The following SYN3 variants were observed in gnomAD, a reference collection of about 807,000 sequenced individuals.
The protein encoded by SYN3 is synapsin III.
A neutral mutation model predicts 65.8 loss-of-function variants in SYN3; 35 were observed. The observed-to-expected ratio is 0.53, with a 90% CI of 0.41 to 0.70. The LOEUF (loss-of-function observed/expected upper bound fraction) is 0.70, where lower values mean the gene tolerates loss of function less well. SYN3 is among the 30% of genes least tolerant of loss of function. SYN3 has a pLI of 0.00. For synonymous variants in SYN3, 270 were observed against 292.9 expected (o/e 0.92, Z 0.80); for missense variants, 680 against 749.0 (o/e 0.91, Z 1.08).
chr22:32,673,415 G>A (rs2060398698), intron 6 of SYN3, among the ~76,000 whole-genome samples: 1 of 152,228 alleles, frequency 6.6e-6, no homozygotes, highest in Non-Finnish European at 1.5e-5. Flanking sequence ...CAGAGCATGG[G>A]CCGTTCGGTC....
rs190800849 is a variant in SYN3, at chr22:32,508,818, C to G, written c.*4874G>C. ...CCTGCTGGGTGCCAAGCAATGTGCT[C>G]TGAGCTTCACTCTCTTGACCCATGC... On this transcript the variant is annotated 3_prime_UTR_variant, in exon 14 of 14. Transcript: ENST00000358763. 1.4e-3 allele frequency among the ~76,000 whole-genome samples: 219 copies of G among 152,288 alleles called. 1 individual carries two copies. The highest frequency in any genetic ancestry group is 2.4e-3 in the Admixed American group (36 of 15,300).
intron 6 of SYN3, among the ~76,000 whole-genome samples, chr22:32,734,346 G>C (rs565580669): frequency 2.6e-5 from 4 of 152,330 alleles, no homozygotes; most frequent in African/African-American, 9.6e-5. Flanking sequence ...TCCAGGTGCA[G>C]GGGGGAGAGA....
rs1048394613 is a variant in SYN3 at position 32,541,157 on chromosome 22, G to A, written c.917+414C>T. The stretch of plus-strand genomic sequence containing the variant: ...TTATTGGCTTCAGAGAAACCGTTCT[G>A]CACCTCCCAGCCTCATGGTCACCTT... On this transcript the variant is annotated intron_variant, in intron 8 of 13. Coordinates refer to ENST00000358763, the MANE Select transcript of SYN3 (RefSeq NM_003490.4). Among the ~76,000 whole-genome samples the A allele has an allele frequency of 2.6e-5, 4 of 152,294 alleles. 1 individual carries two copies. Among genetic ancestry groups the A allele is most frequent in the South Asian group, 2.1e-4 (1 of 4,820 alleles).
chr22:32,903,068 A>C (rs1010968298), intron 4 of SYN3, among the ~76,000 whole-genome samples: 1 of 152,124 alleles, frequency 6.6e-6, no homozygotes, highest in Non-Finnish European at 1.5e-5. Flanking sequence ...GAGAAATGAT[A>C]ATTGATGCTC....
At chr22:32,839,471 C>T (rs894128099) in intron 6 of SYN3, among the ~76,000 whole-genome samples, 5 of 152,100 alleles carry the variant, frequency 3.3e-5, no homozygotes, top group African/African-American at 1.2e-4. Context: ...CTTAGAAACC[C>T]AGGTCACAGA....
chr22:32,585,904 G>A (rs1410932830), intron 7 of SYN3, among the ~76,000 whole-genome samples: 3 of 61,476 alleles, frequency 4.9e-5, no homozygotes, highest in African/African-American at 1.1e-4. Context: ...ACGTATATAT[G>A]TGTATGTATA....
chr22:32,518,194 G>C lies in SYN3; in HGVS notation c.1459C>G (p.Leu487Val), dbSNP rs755765612. 2.5e-6 allele frequency: 4 copies of C among 1,613,984 alleles called. No homozygotes were observed. In the East Asian group the frequency reaches 6.7e-5, roughly 27 times the overall value. ...GAGCTGCCACTGGATGCCCGGGATA[G>C]CTGCGGAGAGCCTGGTGACCTTTGC... ...QQQRSPGSPQ[L>V]SRASSGSSPN... Residue 487 changes from leucine (L) to valine (V), a missense_variant, in exon 13 of 14, where the codon CTA (leucine) becomes GTA (valine). Physicochemically the swap from Leu to Val is conservative, Grantham distance 32. Transcript: ENST00000358763.
chr22:32,562,248 C>T (rs548654850), intron 7 of SYN3, among the ~76,000 whole-genome samples: 4 of 152,350 alleles, frequency 2.6e-5, no homozygotes, highest in South Asian at 2.1e-4. Context: ...GTTGCCGAAA[C>T]GTCTCCAGCC....
chr22:32,602,806 G>A (rs1046029672), intron 6 of SYN3, among the ~76,000 whole-genome samples: 2 of 152,102 alleles, frequency 1.3e-5, no homozygotes, highest in East Asian at 3.9e-4. Context: ...ACATGTACAC[G>A]TGCACTGGTT....
chr22:32,649,603 T>A, intron 6 of SYN3, among the ~76,000 whole-genome samples: 1 of 151,998 alleles, frequency 6.6e-6, no homozygotes. Flanking sequence ...AATGGGGTGG[T>A]GGGAGGCGGA....
intron 6 of SYN3, among the ~76,000 whole-genome samples, chr22:32,689,532 G>T (rs571518510): frequency 6.6e-6 from 1 of 152,184 alleles, no homozygotes; most frequent in Non-Finnish European, 1.5e-5. Context: ...GCTCCAGGGC[G>T]TCTCCTGGGG....
intron 6 of SYN3, among the ~76,000 whole-genome samples, chr22:32,781,063 TCCTCCCTCCCTC>T (rs1569219623): frequency 3.8e-5 from 1 of 26,204 alleles, no homozygotes; most frequent in Non-Finnish European, 1.0e-4. Context: ...CTCCCTCCCT[TCCTCCCTCCCTC>T]CCTTCCATCC....
intron 6 of SYN3, among the ~76,000 whole-genome samples, chr22:32,726,549 A>T (rs2061197176): frequency 6.6e-6 from 1 of 152,188 alleles, no homozygotes; most frequent in Non-Finnish European, 1.5e-5. Flanking sequence ...GCTGTTGATG[A>T]CAACAGCTCT....
intron 7 of SYN3, among the ~76,000 whole-genome samples, chr22:32,575,021 G>T (rs1398558721): frequency 6.6e-6 from 1 of 152,220 alleles, no homozygotes; most frequent in Non-Finnish European, 1.5e-5. Flanking sequence ...TGAATAAAGG[G>T]ATGCTGACCC....
intron 6 of SYN3, among the ~76,000 whole-genome samples, chr22:32,700,012 A>G (rs1359629778): frequency 6.6e-6 from 1 of 152,178 alleles, no homozygotes; most frequent in African/African-American, 2.4e-5. Context: ...AATATTATAC[A>G]ATGAATCTCA....
At chr22:32,941,478 AT>A (rs1485849899) in intron 3 of SYN3, among the ~76,000 whole-genome samples, 2 of 152,172 alleles carry the variant, frequency 1.3e-5, no homozygotes, top group African/African-American at 4.8e-5. Flanking sequence ...CGGTTCCAAG[AT>A]GGCTGAATAG....
At chr22:32,794,232 C>G (rs1419151019) in intron 6 of SYN3, among the ~76,000 whole-genome samples, 2 of 152,220 alleles carry the variant, frequency 1.3e-5, no homozygotes, top group African/African-American at 4.8e-5. Context: ...TCTACACACA[C>G]CACAGCAACC....
At chr22:32,603,536 A>G (rs2059317498) in intron 6 of SYN3, among the ~76,000 whole-genome samples, 1 of 130,384 alleles carries the variant, frequency 7.7e-6, no homozygotes, top group South Asian at 2.4e-4. Flanking sequence ...TCAAAAAAAA[A>G]GAAAAAAAAA....
At chr22:32,687,118 T>C (rs1484030816) in intron 6 of SYN3, among the ~76,000 whole-genome samples, 3 of 152,252 alleles carry the variant, frequency 2.0e-5, no homozygotes, top group South Asian at 2.1e-4. Context: ...TTGGTACTTA[T>C]CAAACATGAA....
Sources: allele counts gnomAD v4.1 joint callset (sites outside exome capture counted in the v4.1 genomes callset), GRCh38; gene constraint gnomAD v4.1.1; transcripts MANE v1.5; gene names NCBI Gene and HGNC (gene_info 2026-07-23, HGNC 2026-07-21).